The following GLIS1 variants were observed in gnomAD, a reference collection of about 807,000 sequenced individuals.
The protein encoded by GLIS1 is GLIS family zinc finger 1, also known as zinc finger protein GLIS1.
GLIS1 carries 24 observed loss-of-function variants against 63.8 expected under a neutral mutation model. The observed-to-expected ratio is 0.38, with a 90% CI of 0.27 to 0.53. The LOEUF is 0.53. Ranked by LOEUF, GLIS1 falls within the 20% of genes least tolerant of loss-of-function variation. The probability of loss-of-function intolerance (pLI) is 0.85; values close to 1 mark genes in which losing one functional copy is unlikely to be tolerated. For missense variants in GLIS1, 1,036 were observed against 1,074.1 expected, an observed-to-expected ratio of 0.96 and a Z score of 0.50; for synonymous variants, 450 against 482.5, an observed-to-expected ratio of 0.93 and a Z score of 0.88.
At chr1:53,599,871 C>T (rs1381903206) in intron 3 of GLIS1, among the ~76,000 whole-genome samples, 1 of 152,272 alleles carries the variant, frequency 6.6e-6, no homozygotes, top group Admixed American at 6.5e-5. Flanking sequence ...CTGTGAAAAG[C>T]TTCGTCTGCT....
chr1:53,589,292 G>A (rs955387044), intron 4 of GLIS1, among the ~76,000 whole-genome samples: 2 of 152,198 alleles, frequency 1.3e-5, no homozygotes, highest in Non-Finnish European at 2.9e-5. Context: ...ACAACAGATA[G>A]GGAATGGCTT....
intron 4 of GLIS1, among the ~76,000 whole-genome samples, chr1:53,593,657 G>A (rs1645215275): frequency 6.6e-6 from 1 of 152,190 alleles, no homozygotes; most frequent in South Asian, 2.1e-4. Context: ...GCTGTAGGCA[G>A]CACTAGAAGG....
rs140697112 is a variant in GLIS1, at chr1:53,509,211, G to T, written c.2139C>A (p.Ala713=). 3 of 1,597,852 alleles carry T rather than the reference G, an allele frequency of 1.9e-6. No individual in the cohort carries two copies. Among genetic ancestry groups the T allele is most frequent in the Non-Finnish European group, 2.6e-6 (3 of 1,172,776 alleles). ...TCTCCCCGACCAGTCCGTCCCCACC[G>T]GCTGCTGGTTCAGCCATCCGGTAGC... is the stretch of plus-strand genomic sequence containing the variant. ...GDCYRMAEPA[A]GGDGLVGETH... The change falls in exon 10 of 11, where the codon GCC becomes GCA. Residue 713 remains alanine (A), a synonymous_variant. Coordinates refer to ENST00000628545, the MANE Select transcript of GLIS1 (RefSeq NM_001367484.1).
intron 4 of GLIS1, among the ~76,000 whole-genome samples, chr1:53,547,620 C>G (rs1272705507): frequency 1.3e-5 from 2 of 152,254 alleles, no homozygotes; most frequent in African/African-American, 2.4e-5. Flanking sequence ...ATGGCCCCCA[C>G]AGGCCTACTC....
At chr1:53,604,311 A>T (rs1645348363) in intron 2 of GLIS1, among the ~76,000 whole-genome samples, 1 of 152,238 alleles carries the variant, frequency 6.6e-6, no homozygotes, top group African/African-American at 2.4e-5. Context: ...AGGATGGCGT[A>T]GCCTAAACGA....
chr1:53,589,572 A>G (rs1645168642), intron 4 of GLIS1, among the ~76,000 whole-genome samples: 1 of 152,130 alleles, frequency 6.6e-6, no homozygotes, highest in Non-Finnish European at 1.5e-5. Flanking sequence ...GCCAATCCGT[A>G]ATACTCAGCT....
intron 2 of GLIS1, among the ~76,000 whole-genome samples, chr1:53,692,292 T>C (rs1231712910): frequency 1.3e-5 from 2 of 152,196 alleles, no homozygotes; most frequent in African/African-American, 2.4e-5. Context: ...CTATGTCATA[T>C]CCTTGCTCAA....
chr1:53,527,328 C>T lies in GLIS1; in HGVS notation c.1483-2441G>A, dbSNP rs1418551367. On this transcript the variant is annotated intron_variant, in intron 5 of 10. Coordinates refer to ENST00000628545, the MANE Select transcript of GLIS1 (RefSeq NM_001367484.1). Reference sequence around the variant, plus strand: ...TCAGGGGATCTGTGCACTCAGGACTCGAGCCCCACACTGAGAGCCTGGGAC... The same window carrying T: ...TCAGGGGATCTGTGCACTCAGGACTTGAGCCCCACACTGAGAGCCTGGGAC... Among the ~76,000 whole-genome samples, 5 of 152,338 alleles carry T rather than the reference C, an allele frequency of 3.3e-5. No individual in the cohort carries two copies. In the East Asian group the frequency reaches 5.8e-4, roughly 18 times the overall value.
rs1645009919 is a variant in GLIS1, at chr1:53,574,120, G to GACC, written c.1320+19985_1320+19987dup. ...TCTGGGTGGGGCCTCACCACTCTGA[G>GACC]ACCACCCACACCTCTGTGGTCCTGG... On this transcript the variant is annotated intron_variant, in intron 4 of 10. Coordinates refer to ENST00000628545, the MANE Select transcript of GLIS1 (RefSeq NM_001367484.1). The surrounding 1 kb of genome is among the most constrained non-coding windows in gnomAD (Gnocchi z 4.2). Among the ~76,000 whole-genome samples, 1 of 152,162 alleles carries GACC rather than the reference G, an allele frequency of 6.6e-6. No individual in the cohort carries two copies. Among genetic ancestry groups the GACC allele is most frequent in the South Asian group, 2.1e-4 (1 of 4,818 alleles).
chr1:53,668,239 TACACATAC>T (rs1646115363), intron 2 of GLIS1, among the ~76,000 whole-genome samples: 1 of 152,244 alleles, frequency 6.6e-6, no homozygotes, highest in South Asian at 2.1e-4. Context: ...AGTCACTACA[TACACATAC>T]ACACATACAC....
At chr1:53,600,000 T>A in intron 3 of GLIS1, 101 bp downstream of exon 3, 3 of 632,986 alleles carry the variant, frequency 4.7e-6, no homozygotes, top group Non-Finnish European at 6.8e-6. Context: ...TGCCTCCATT[T>A]CCCCATGTGT....
chr1:53,559,631 C>T (rs114888561), intron 4 of GLIS1, among the ~76,000 whole-genome samples: 2,043 of 152,270 alleles, frequency 0.013, 55 homozygotes, highest in African/African-American at 0.047. Flanking sequence ...CGCTGCAATG[C>T]GGGACAGAGC....
intron 2 of GLIS1, among the ~76,000 whole-genome samples, chr1:53,735,302 AC>A (rs778080873): frequency 2.0e-5 from 3 of 152,200 alleles, no homozygotes; most frequent in Non-Finnish European, 4.4e-5. Flanking sequence ...CTCAAGTGTC[AC>A]TGACCCTTGC....
At chr1:53,627,093 C>T (rs1190902562) in intron 2 of GLIS1, among the ~76,000 whole-genome samples, 1 of 152,238 alleles carries the variant, frequency 6.6e-6, no homozygotes, top group African/African-American at 2.4e-5. Flanking sequence ...ACCACAGCCA[C>T]ACTGAGAACT....
At chr1:53,720,829 C>T (rs1190717017) in intron 2 of GLIS1, among the ~76,000 whole-genome samples, 2 of 152,092 alleles carry the variant, frequency 1.3e-5, no homozygotes, top group Non-Finnish European at 2.9e-5. Context: ...TGAAACTCCA[C>T]TACTACAAAA....
chr1:53,585,749 G>C (rs762851980), intron 4 of GLIS1, among the ~76,000 whole-genome samples: 1 of 152,224 alleles, frequency 6.6e-6, no homozygotes, highest in Non-Finnish European at 1.5e-5. Context: ...TGTACTCAGA[G>C]GCCTGGCTGC....
In GLIS1 at chr1:53,521,458, G is replaced by A. The variant is rs569328636; in HGVS notation, c.1594-692C>T. Among the ~76,000 whole-genome samples the A allele has an allele frequency of 2.6e-5, 4 of 152,234 alleles. No homozygotes were observed. The South Asian group carries it at 8.3e-4, about 32-fold the overall frequency. Reference sequence around the variant, plus strand: ...CATCCTACCTCTTCTTACTCCCTGTGTAATGCTGGACAAATAACATAACCT... The same window carrying A: ...CATCCTACCTCTTCTTACTCCCTGTATAATGCTGGACAAATAACATAACCT... On this transcript the variant is annotated intron_variant, in intron 6 of 10. Coordinates refer to ENST00000628545, the MANE Select transcript of GLIS1 (RefSeq NM_001367484.1).
intron 7 of GLIS1, 25 bp downstream of exon 7, chr1:53,520,609 T>C (rs1557428745): frequency 6.3e-7 from 1 of 1,591,118 alleles, no homozygotes; most frequent in Non-Finnish European, 8.5e-7. Flanking sequence ...GCTACGCCCC[T>C]GGCCCTGCCT....
At chr1:53,606,716 C>G (rs1645373186) in intron 2 of GLIS1, among the ~76,000 whole-genome samples, 1 of 152,252 alleles carries the variant, frequency 6.6e-6, no homozygotes, top group Admixed American at 6.5e-5. Context: ...CTGGAGCCGC[C>G]TTGGGGCATT....
Sources: gnomAD v4.1 joint callset for allele counts (sites outside exome capture counted in the v4.1 genomes callset) on GRCh38, gnomAD v4.1.1 for gene constraint, Gnocchi (gnomAD v3.1) non-coding constraint, MANE v1.5 for transcripts, NCBI Gene and HGNC (gene_info 2026-07-23, HGNC 2026-07-21) for gene names.